CCDC171: variants seen among roughly 807,000 people sequenced by gnomAD.
The protein encoded by CCDC171 is coiled-coil domain containing 171, also known as coiled-coil domain-containing protein 171.
CCDC171 carries 177 observed loss-of-function variants against 168.2 expected under a neutral mutation model. That is an observed-to-expected ratio of 1.05 (90% CI 0.93 to 1.19). CCDC171 has a LOEUF of 1.19. CCDC171 is among the 50% of genes most tolerant of loss of function. The pLI is 0.00. For missense variants in CCDC171, 1,991 were observed against 1,539.0 expected, an observed-to-expected ratio of 1.29 and a Z score of -4.91; for synonymous variants, 687 against 540.8, an observed-to-expected ratio of 1.27 and a Z score of -3.75.
intron 25 of CCDC171, among the ~76,000 whole-genome samples, chr9:15,942,348 G>C (rs1827825870): frequency 6.6e-6 from 1 of 151,892 alleles, no homozygotes; most frequent in Non-Finnish European, 1.5e-5. Context: ...TTGGTCTTCT[G>C]TCTCTATGGG....
At chr9:15,906,364 T>G (rs1822605209) in intron 24 of CCDC171, among the ~76,000 whole-genome samples, 2 of 152,156 alleles carry the variant, frequency 1.3e-5, no homozygotes, top group Admixed American at 6.5e-5. Context: ...CAAAGCTGGT[T>G]CAACATACGA....
Position 15,777,762 on chromosome 9 carries a change from A to C in CCDC171, c.2834A>C (p.His945Pro). The C allele has an allele frequency of 1.9e-6, 3 of 1,614,070 alleles. No individual in the cohort carries two copies. In the African/African-American group the frequency reaches 4.0e-5, roughly 22 times the overall value. Residue 945 changes from histidine (H) to proline (P), a missense_variant, in exon 19 of 26, where the codon CAT becomes CCT. Coordinates refer to ENST00000380701, the MANE Select transcript of CCDC171 (RefSeq NM_173550.4). ...GATTCCCTGGTTCAGAGGCTGGCCC[A>C]TGGACTTCATAAAGTAAACACACTG... The part of the protein sequence containing the change: ...EKDSLVQRLA[H>P]GLHKVNTLAL...
At chr9:15,885,632 G>T (rs1563937409) in intron 24 of CCDC171, 1 of 152,130 alleles carries the variant, frequency 6.6e-6, no homozygotes, top group Non-Finnish European at 1.5e-5. Flanking sequence ...GATTTCATTT[G>T]CTGTCAGTTA....
chr9:15,679,786 T>A (rs1361867476), intron 10 of CCDC171, among the ~76,000 whole-genome samples: 2 of 152,192 alleles, frequency 1.3e-5, no homozygotes, highest in Non-Finnish European at 2.9e-5. Flanking sequence ...TGGCCTCAAG[T>A]GGTCCTCCTG....
downstream of CCDC171, among the ~76,000 whole-genome samples, chr9:16,064,744 G>A (rs1833973657): frequency 6.6e-6 from 1 of 152,206 alleles, no homozygotes; most frequent in East Asian, 1.9e-4. Flanking sequence ...AGAGGTAATG[G>A]AGACCATGCC....
chr9:15,896,127 G>C (rs1820864502), intron 24 of CCDC171, among the ~76,000 whole-genome samples: 1 of 151,792 alleles, frequency 6.6e-6, no homozygotes, highest in African/African-American at 2.4e-5. Context: ...AGCATAATAA[G>C]GGCAATAATC....
At chr9:15,625,891 C>G (rs1022988294) in intron 7 of CCDC171, among the ~76,000 whole-genome samples, 4 of 152,154 alleles carry the variant, frequency 2.6e-5, no homozygotes, top group Middle Eastern at 3.2e-3. Flanking sequence ...GGCATTGAAT[C>G]TATAAATTAC....
At chr9:15,738,119 TG>T (rs144126622) in intron 16 of CCDC171, among the ~76,000 whole-genome samples, 1 of 152,346 alleles carries the variant, frequency 6.6e-6, no homozygotes, top group East Asian at 1.9e-4. Context: ...GTGTGCAATT[TG>T]CCTTTTTGCC....
intron 6 of CCDC171, among the ~76,000 whole-genome samples, chr9:15,615,489 G>A (rs2044012911): frequency 6.6e-6 from 1 of 152,016 alleles, no homozygotes; most frequent in African/African-American, 2.4e-5. Flanking sequence ...GTGATTGTTA[G>A]GTCAGAATTT....
chr9:15,822,562 C>A (rs2059827284), intron 21 of CCDC171, among the ~76,000 whole-genome samples: 1 of 152,118 alleles, frequency 6.6e-6, no homozygotes, highest in Non-Finnish European at 1.5e-5. Flanking sequence ...GACATTTATG[C>A]AGCCAAAAAA....
chr9:15,830,968 A>ATTTTTTT (rs71325936), intron 21 of CCDC171, among the ~76,000 whole-genome samples: 1 of 123,000 alleles, frequency 8.1e-6, no homozygotes, highest in Non-Finnish European at 1.6e-5. Context: ...CCATATCTTA[A>ATTTTTTT]TTTTTTTTTT....
chr9:15,748,723 A>T (rs1048862807), intron 18 of CCDC171, among the ~76,000 whole-genome samples: 3 of 152,196 alleles, frequency 2.0e-5, no homozygotes, highest in Non-Finnish European at 4.4e-5. Flanking sequence ...CAGCCAAACT[A>T]TGCTTCTTAA....
intron 23 of CCDC171, among the ~76,000 whole-genome samples, chr9:15,866,947 C>T (rs1378127375): frequency 6.6e-6 from 1 of 151,976 alleles, no homozygotes; most frequent in Middle Eastern, 3.2e-3. Context: ...TAACATAAGC[C>T]ATCTCTAGAT....
chr9:16,041,484 T>C (rs1423475485), upstream of CCDC171, among the ~76,000 whole-genome samples: 1 of 152,208 alleles, frequency 6.6e-6, no homozygotes, highest in Non-Finnish European at 1.5e-5. Flanking sequence ...CTGGGGTTTT[T>C]GTTTCATGGT....
chr9:15,638,366 A>C (rs1533040), intron 7 of CCDC171, among the ~76,000 whole-genome samples: 1 of 151,636 alleles, frequency 6.6e-6, no homozygotes, highest in Non-Finnish European at 1.5e-5. Flanking sequence ...TCTGGAGAGC[A>C]TTTTATGTTA....
intron 5 of CCDC171, among the ~76,000 whole-genome samples, chr9:15,592,684 G>A (rs1358845328): frequency 6.6e-6 from 1 of 152,010 alleles, no homozygotes; most frequent in Admixed American, 6.6e-5. Context: ...ACAAGTCCTT[G>A]GATGGGCCTG....
chr9:15,586,748 T>TTCTGAATGC (rs1563991439), intron 4 of CCDC171, among the ~76,000 whole-genome samples: 1 of 152,130 alleles, frequency 6.6e-6, no homozygotes, highest in Non-Finnish European at 1.5e-5. Context: ...ACCAGGAAGA[T>TTCTGAATGC]TCTGAATGCT....
intron 4 of CCDC171, among the ~76,000 whole-genome samples, chr9:15,584,140 T>C (rs575387204): frequency 6.6e-6 from 1 of 152,234 alleles, no homozygotes; most frequent in Non-Finnish European, 1.5e-5. Context: ...GTGCTGGGAT[T>C]ACAGGCGTGA....
chr9:15,697,400 C>T (rs143355921), intron 11 of CCDC171, among the ~76,000 whole-genome samples: 9 of 152,286 alleles, frequency 5.9e-5, no homozygotes, highest in Non-Finnish European at 4.4e-5. Flanking sequence ...TCTGTAGTCT[C>T]GTCATTAAAC....
Sources: gnomAD v4.1 joint callset for allele counts (sites outside exome capture counted in the v4.1 genomes callset) on GRCh38, gnomAD v4.1.1 for gene constraint, MANE v1.5 for transcripts, NCBI Gene and HGNC (gene_info 2026-07-23, HGNC 2026-07-21) for gene names.